PRDM11: variants seen among roughly 807,000 people sequenced by gnomAD.
The protein encoded by PRDM11 is PR domain-containing protein 11.
Under a neutral mutation model 97.8 loss-of-function variants are expected in PRDM11, and 20 were observed. That is an observed-to-expected ratio of 0.20 (90% CI 0.14 to 0.30). PRDM11 has a LOEUF of 0.30. Ranked by LOEUF, PRDM11 falls within the 10% of genes least tolerant of loss-of-function variation. The pLI, the probability that PRDM11 is intolerant of heterozygous loss-of-function variation, is 1.00. For missense variants in PRDM11, 1,139 were observed against 1,555.2 expected, an observed-to-expected ratio of 0.73 and a Z score of 4.50; for synonymous variants, 599 against 637.7, an observed-to-expected ratio of 0.94 and a Z score of 0.91.
At chr11:45,127,654 G>C (rs1000512942) in intron 1 of PRDM11, among the ~76,000 whole-genome samples, 1 of 152,142 alleles carries the variant, frequency 6.6e-6, no homozygotes, top group Non-Finnish European at 1.5e-5. Context: ...AACAGCGGTG[G>C]CTGTAGAACA....
At chr11:45,178,803 C>A (rs1196975895) in intron 1 of PRDM11, among the ~76,000 whole-genome samples, 1 of 152,224 alleles carries the variant, frequency 6.6e-6, no homozygotes, top group East Asian at 1.9e-4. Flanking sequence ...TAGTACCTGG[C>A]TTGTCTTTCC....
At chr11:45,147,018 G>GGGCGCGGGGCGGGGGTCCGGACGGCGCC in intron 1 of PRDM11, 141 bp downstream of exon 1, 1 of 146,002 alleles carries the variant, frequency 6.8e-6, no homozygotes, top group South Asian at 2.0e-4. Context: ...GTCTCGGCGC[G>GGGCGCGGGGCGGGGGTCCGGACGGCGCC]GGCGCGGGGC....
At chr11:45,121,579 CAATT>C (rs1262491248) in intron 1 of PRDM11, among the ~76,000 whole-genome samples, 2 of 152,238 alleles carry the variant, frequency 1.3e-5, no homozygotes, top group Non-Finnish European at 1.5e-5. Flanking sequence ...TTAAACAACA[CAATT>C]AAGCAATTTT....
At position 45,157,458 on chromosome 11, in the gene PRDM11, G is replaced by A. The variant is rs76952450; in HGVS notation, c.-7+10581G>A. On this transcript the variant is annotated intron_variant, in intron 1 of 7. Coordinates refer to ENST00000683152, the MANE Select transcript of PRDM11 (RefSeq NM_001384648.1). ...ATGCTTGCTAGCTCGCCTGCCACTC[G>A]TCTCCTGCTCTGCAACCTGGTTCCT... Among the ~76,000 whole-genome samples, 1,194 of 152,240 alleles carry A rather than the reference G, an allele frequency of 7.8e-3. 12 individuals carry two copies. The highest frequency in any genetic ancestry group is 0.026 in the African/African-American group (1,068 of 41,512).
intron 1 of PRDM11, among the ~76,000 whole-genome samples, chr11:45,122,674 T>C (rs1455099722): frequency 6.6e-6 from 1 of 152,144 alleles, no homozygotes; most frequent in African/African-American, 2.4e-5. Flanking sequence ...CATGAACTCC[T>C]CATTTTTTAT....
intron 1 of PRDM11, among the ~76,000 whole-genome samples, chr11:45,165,019 C>T (rs2135709253): frequency 3.9e-5 from 6 of 152,290 alleles, no homozygotes; most frequent in Admixed American, 3.9e-4. Context: ...AACCTGATTT[C>T]ACTCTCATCC....
At position 45,226,541 on chromosome 11, in the gene PRDM11, A is replaced by T. The variant is rs1854277999; in HGVS notation, c.1916A>T (p.His639Leu). ...GGAGACTGCCAGATCCTCATCCATCACATCGCCCGGGCCCTGCGGGAAGAC... is the reference window on the plus strand; with the variant it reads ...GGAGACTGCCAGATCCTCATCCATCTCATCGCCCGGGCCCTGCGGGAAGAC... ...NEGDCQILIHHIARALREDLV... is the reference protein window; with the variant it reads ...NEGDCQILIHLIARALREDLV... The change falls in exon 8 of 8, where the codon CAC becomes CTC. Residue 639 changes from histidine (H) to leucine (L), a missense_variant. This residue lies in a region of PRDM11 where 710 missense variants were observed against 1,044.9 expected (regional missense o/e 0.68). Transcript: ENST00000683152. 6.5e-7 allele frequency: 1 copy of T among 1,533,822 alleles called. No homozygotes were observed.
chr11:45,155,226 C>T (rs1465712888), intron 1 of PRDM11, among the ~76,000 whole-genome samples: 1 of 152,222 alleles, frequency 6.6e-6, no homozygotes, highest in Non-Finnish European at 1.5e-5. Flanking sequence ...CTCTCACTTT[C>T]CCCAAGGGAA....
At chr11:45,126,002 T>TG (rs1336582198) in intron 1 of PRDM11, among the ~76,000 whole-genome samples, 2 of 152,226 alleles carry the variant, frequency 1.3e-5, no homozygotes, top group Admixed American at 6.5e-5. Flanking sequence ...ACTCAGGACT[T>TG]GCTTTATGAA....
At chr11:45,124,943 A>G (rs1053728224) in intron 1 of PRDM11, among the ~76,000 whole-genome samples, 8 of 152,196 alleles carry the variant, frequency 5.3e-5, no homozygotes, top group Admixed American at 4.6e-4. Flanking sequence ...CCTCTGGTAG[A>G]ATTTGGCTGT....
At chr11:45,103,570 C>T (rs1336792975) in intron 1 of PRDM11, among the ~76,000 whole-genome samples, 1 of 152,052 alleles carries the variant, frequency 6.6e-6, no homozygotes, top group Non-Finnish European at 1.5e-5. Flanking sequence ...AAGTGTTAAC[C>T]TTTGGCAGGG....
At chr11:45,105,868 G>C (rs1346829366) in intron 1 of PRDM11, among the ~76,000 whole-genome samples, 1 of 152,162 alleles carries the variant, frequency 6.6e-6, no homozygotes, top group Admixed American at 6.5e-5. Context: ...TAAGCCCCAG[G>C]GCCACAGAGG....
intron 1 of PRDM11, among the ~76,000 whole-genome samples, chr11:45,180,863 G>C (rs1261278145): frequency 1.3e-5 from 2 of 151,734 alleles, no homozygotes; most frequent in Admixed American, 1.3e-4. Context: ...CCCACCGCGC[G>C]CCCCCGGCCC....
intron 1 of PRDM11, among the ~76,000 whole-genome samples, chr11:45,175,020 T>C (rs767053980): frequency 1.8e-4 from 28 of 152,238 alleles, no homozygotes; most frequent in Non-Finnish European, 3.1e-4. Flanking sequence ...ACAGCAAAAC[T>C]GAGCAGAAAC....
chr11:45,152,253 GA>G (rs1851677528), intron 1 of PRDM11, among the ~76,000 whole-genome samples: 1 of 152,066 alleles, frequency 6.6e-6, no homozygotes, highest in South Asian at 2.1e-4. Flanking sequence ...TTTCAGTAGA[GA>G]CTGGGGTCTC....
At chr11:45,110,446 G>C (rs1181046068) in intron 1 of PRDM11, among the ~76,000 whole-genome samples, 2 of 152,202 alleles carry the variant, frequency 1.3e-5, no homozygotes, top group African/African-American at 4.8e-5. Context: ...GTAGGAGTTT[G>C]AGGAATTTCT....
chr11:45,157,692 C>T (rs535263463), intron 1 of PRDM11, among the ~76,000 whole-genome samples: 49 of 152,194 alleles, frequency 3.2e-4, no homozygotes, highest in Non-Finnish European at 6.3e-4. Flanking sequence ...AGGCAGCCCT[C>T]GGGTGTGAGC....
At chr11:45,207,889 G>A (rs549218143) in intron 5 of PRDM11, among the ~76,000 whole-genome samples, 9 of 152,308 alleles carry the variant, frequency 5.9e-5, no homozygotes, top group African/African-American at 1.4e-4. Context: ...GAGTGAATGC[G>A]CTCTGAGCTT....
rs1854314821 is a variant in PRDM11 at position 45,227,890 on chromosome 11, G to A, written c.3265G>A (p.Glu1089Lys). ...CCTCCCCACTTCCACCGCTTGCTGC[G>A]AGAAAGGCCGCAATGCCCTCCAGCG... The part of the protein sequence containing the change: ...KVLPTSTACC[E>K]KGRNALQRVR... The change falls in exon 8 of 8, where the codon GAG becomes AAG. Residue 1089 changes from glutamate to lysine, a missense_variant. Transcript: ENST00000683152. This position sits in a 1 kb window ranked among gnomAD's most constrained non-coding sequence, Gnocchi z 8.0. 2 of 1,533,880 alleles carry A rather than the reference G, an allele frequency of 1.3e-6. No individual in the cohort carries two copies. Among genetic ancestry groups the A allele is most frequent in the Non-Finnish European group, 1.7e-6 (2 of 1,146,718 alleles).
Sources: gnomAD v4.1 joint callset for allele counts (sites outside exome capture counted in the v4.1 genomes callset) on GRCh38, gnomAD v4.1.1 for gene constraint, gnomAD v4.1.1 regional missense constraint, Gnocchi (gnomAD v3.1) non-coding constraint, MANE v1.5 for transcripts, NCBI Gene and HGNC (gene_info 2026-07-23, HGNC 2026-07-21) for gene names.